YKT6: variants seen among roughly 807,000 people sequenced by gnomAD.
YKT6 encodes synaptobrevin homolog YKT6.
YKT6 carries 12 observed loss-of-function variants against 29.3 expected under a neutral mutation model. The ratio of observed to expected loss-of-function variants is 0.41; its 90% CI spans 0.26 to 0.66. YKT6 has a LOEUF of 0.66. Among genes scored for constraint, YKT6 ranks in the 30% least tolerant of loss-of-function variants. The pLI is 0.32. For missense variants in YKT6, 188 were observed against 243.8 expected, an observed-to-expected ratio of 0.77 and a Z score of 1.52; for synonymous variants, 86 against 94.3, an observed-to-expected ratio of 0.91 and a Z score of 0.51.
chr7:44,205,986 C>G (rs1402801747), intron 2 of YKT6, among the ~76,000 whole-genome samples: 1 of 152,180 alleles, frequency 6.6e-6, no homozygotes, highest in African/African-American at 2.4e-5. Flanking sequence ...CTTGGCTTGT[C>G]CAGGGTTCCC....
At chr7:44,206,359 A>G (rs779546903) in intron 2 of YKT6, 26 bp from the exon 3 acceptor site, 1 of 1,609,516 alleles carries the variant, frequency 6.2e-7, no homozygotes, top group Admixed American at 1.7e-5. Context: ...GTCAGCATCC[A>G]TGTGTCTGAT....
intron 4 of YKT6, 99 bp downstream of exon 4, chr7:44,207,591 G>T: frequency 1.0e-6 from 1 of 969,176 alleles, no homozygotes; most frequent in Non-Finnish European, 1.6e-6. Flanking sequence ...AATTACTTCT[G>T]ACAGCTTCTG....
intron 5 of YKT6, 77 bp downstream of exon 5, chr7:44,208,275 C>A: frequency 6.7e-7 from 1 of 1,499,522 alleles, no homozygotes; most frequent in Non-Finnish European, 9.2e-7. Flanking sequence ...TGCACAGATC[C>A]ATCCTCGTTT....
Position 44,201,195 on chromosome 7 carries a change from A to G in YKT6, c.60A>G (p.Lys20=). The part of the protein sequence containing the change: ...YKGEAKVVLL[K]AAYDVSSFSF... ...GCGAGGCCAAGGTGGTGCTGCTCAA[A>G]GCCGCATACGATGTGTCTTCCTTCA... The change falls in exon 1 of 7, where the codon AAA becomes AAG. Residue 20 remains lysine (K), a synonymous_variant. Coordinates refer to ENST00000223369, the MANE Select transcript of YKT6 (RefSeq NM_006555.4). 1 of 1,613,020 alleles carries G rather than the reference A, an allele frequency of 6.2e-7. No individual in the cohort carries two copies. The highest frequency in any genetic ancestry group is 8.5e-7 in the Non-Finnish European group (1 of 1,179,480).
In YKT6 at chr7:44,212,311, A is replaced by T; in HGVS notation, c.*29A>T. The stretch of plus-strand genomic sequence containing the variant: ...AGCCTGCCAGAGGCCCAATGCTGGA[A>T]TGGCACCATCATTCACATCAGAACT... On this transcript the variant is annotated 3_prime_UTR_variant, in exon 7 of 7. Coordinates refer to ENST00000223369, the MANE Select transcript of YKT6 (RefSeq NM_006555.4). 1 of 1,612,940 alleles carries T rather than the reference A, an allele frequency of 6.2e-7. No homozygotes were observed. Among genetic ancestry groups the T allele is most frequent in the Non-Finnish European group, 8.5e-7 (1 of 1,179,336 alleles).
In YKT6 at chr7:44,211,089, G is replaced by T. The variant is rs916832961; in HGVS notation, c.526G>T (p.Val176Leu). 1 of 1,613,858 alleles carries T rather than the reference G, an allele frequency of 6.2e-7. No individual in the cohort carries two copies. The highest frequency in any genetic ancestry group is 1.3e-5 in the African/African-American group (1 of 74,916). ...AGATGACTTGGTGTCCAAATCCGAGGTGCTGGGAACACAGTCTAAAGCCTT... is the reference window on the plus strand; with the variant it reads ...AGATGACTTGGTGTCCAAATCCGAGTTGCTGGGAACACAGTCTAAAGCCTT... ...KLDDLVSKSEVLGTQSKAFYK... is the reference protein window; with the variant it reads ...KLDDLVSKSELLGTQSKAFYK... Residue 176 changes from valine to leucine, a missense_variant, in exon 6 of 7, where the codon GTG becomes TTG. Val to Leu is a conservative substitution (Grantham distance 32). Transcript: ENST00000223369.
chr7:44,212,216 CCTT>C, intron 6 of YKT6, 28 bp from the exon 7 acceptor site: 1 of 1,614,014 alleles, frequency 6.2e-7, no homozygotes, highest in Non-Finnish European at 8.5e-7. Flanking sequence ...CGTCAGTCCT[CCTT>C]CTCAGCTCCT....
intron 1 of YKT6, among the ~76,000 whole-genome samples, chr7:44,203,543 G>A (rs1283463615): frequency 1.3e-5 from 2 of 152,112 alleles, no homozygotes; most frequent in Non-Finnish European, 1.5e-5. Flanking sequence ...CTTTATAGCC[G>A]TGTCTCAAAT....
intron 2 of YKT6, among the ~76,000 whole-genome samples, chr7:44,205,176 CAT>C (rs761578637): frequency 2.0e-5 from 3 of 152,180 alleles, no homozygotes; most frequent in Non-Finnish European, 4.4e-5. Flanking sequence ...AGTCACGTGA[CAT>C]AGAGTTACTG....
rs2096346119 is a variant in YKT6, at chr7:44,210,932, G to C, written c.460-91G>C. The C allele has an allele frequency of 5.9e-6, 8 of 1,361,462 alleles. No homozygotes were observed. In the South Asian group the frequency reaches 7.1e-5, roughly 12 times the overall value. The allele number at this position is 1,361,462 out of a possible 1,614,324, so 84.3% of individuals were successfully genotyped here. On this transcript the variant is annotated intron_variant, in intron 5 of 6. Transcript: ENST00000223369. The stretch of plus-strand genomic sequence containing the variant: ...TTGTGTGTGTTGGAGAGGAACCCAG[G>C]TAAGGCACTTTCCCCCATGACTGAA...
At chr7:44,211,810 A>C (rs1226096680) in intron 6 of YKT6, among the ~76,000 whole-genome samples, 1 of 152,256 alleles carries the variant, frequency 6.6e-6, no homozygotes, top group African/African-American at 2.4e-5. Flanking sequence ...CCACATCCCA[A>C]GTGGGAACCA....
intron 5 of YKT6, 118 bp downstream of exon 5, chr7:44,208,316 C>G: frequency 3.5e-6 from 4 of 1,144,906 alleles, no homozygotes; most frequent in Non-Finnish European, 2.5e-6. Flanking sequence ...CACTCTCCAG[C>G]AAGTGGGATT....
At position 44,212,351 on chromosome 7, in the gene YKT6, A is replaced by C; in HGVS notation, c.*69A>C. 2 of 1,587,638 alleles carry C rather than the reference A, an allele frequency of 1.3e-6. No homozygotes were observed. On this transcript the variant is annotated 3_prime_UTR_variant, in exon 7 of 7. Coordinates refer to ENST00000223369, the MANE Select transcript of YKT6 (RefSeq NM_006555.4). Reference sequence around the variant, plus strand: ...ACATCAGAACTGCAGCCCCTGGAAAAGAAGAGACAGCCATAGACGAGGAGC... The same window carrying C: ...ACATCAGAACTGCAGCCCCTGGAAACGAAGAGACAGCCATAGACGAGGAGC...
rs548193461 is a variant in YKT6 at position 44,211,157 on chromosome 7, T to C, written c.561+33T>C. 5.3e-4 allele frequency: 834 copies of C among 1,582,984 alleles called. 9 individuals are homozygous for C. The South Asian group carries it at 8.8e-3, about 17-fold the overall frequency. ...CCCAGCACCTGCTGCCTCCTGGGTG[T>C]TCTCTCTAGAGAGCAGTCGCAGCTT... On this transcript the variant is annotated intron_variant, in intron 6 of 6. Transcript: ENST00000223369.
intron 3 of YKT6, among the ~76,000 whole-genome samples, chr7:44,207,165 T>C (rs1246157676): frequency 6.6e-6 from 1 of 152,238 alleles, no homozygotes; most frequent in Non-Finnish European, 1.5e-5. Flanking sequence ...GGCATACTTT[T>C]GATTCTCAGA....
At chr7:44,207,275 T>C (rs192704227) in intron 3 of YKT6, 113 bp from the exon 4 acceptor site, 2 of 761,012 alleles carry the variant, frequency 2.6e-6, no homozygotes, top group East Asian at 5.4e-5. Flanking sequence ...CTTCCTGGGC[T>C]GTGAAGGCCA....
In YKT6 at chr7:44,212,228, C is replaced by T. The variant is rs1266288927; in HGVS notation, c.562-19C>T. On this transcript the variant is annotated intron_variant, in intron 6 of 6. Coordinates refer to ENST00000223369, the MANE Select transcript of YKT6 (RefSeq NM_006555.4). ...CTTCGTCAGTCCTCCTTCTCAGCTC[C>T]TCTTTGTTTTTTTCCAAGGCCCGGA... The T allele has an allele frequency of 3.7e-6, 6 of 1,614,076 alleles. No individual in the cohort carries two copies. The highest frequency in any genetic ancestry group is 1.3e-5 in the African/African-American group (1 of 75,044).
In YKT6 at chr7:44,204,696, A is replaced by G. The variant is rs746376278; in HGVS notation, c.187+46A>G. On this transcript the variant is annotated intron_variant, in intron 2 of 6. Transcript: ENST00000223369. ...CTGTGCGTGTGCTGGCCTGGCTGCCATGCCTCACCTCACATAGCACCCAGC... is the reference window on the plus strand; with the variant it reads ...CTGTGCGTGTGCTGGCCTGGCTGCCGTGCCTCACCTCACATAGCACCCAGC... The G allele has an allele frequency of 2.9e-5, 46 of 1,593,102 alleles. No homozygotes were observed. The South Asian group carries it at 4.1e-4, about 14-fold the overall frequency.
At chr7:44,209,946 C>T (rs58110387) in intron 5 of YKT6, among the ~76,000 whole-genome samples, 1,725 of 152,282 alleles carry the variant, frequency 0.011, 29 homozygotes, top group African/African-American at 0.04. Flanking sequence ...ATGTGTGTAA[C>T]TTAGAATTTT....
Sources: allele counts gnomAD v4.1 joint callset (sites outside exome capture counted in the v4.1 genomes callset), GRCh38; gene constraint gnomAD v4.1.1; transcripts MANE v1.5; gene names NCBI Gene and HGNC (gene_info 2026-07-23, HGNC 2026-07-21).